The following SNX10 variants were observed in gnomAD, a reference collection of about 807,000 sequenced individuals.
SNX10 encodes sorting nexin 10, also known as sorting nexin-10.
Under a neutral mutation model 28.5 loss-of-function variants are expected in SNX10, and 25 were observed. The ratio of observed to expected loss-of-function variants is 0.88; its 90% confidence interval spans 0.64 to 1.22. The LOEUF is 1.22. Ranked by LOEUF, SNX10 falls within the 50% of genes most tolerant of loss-of-function variation. The pLI is 0.00. For missense variants in SNX10, 223 were observed against 242.6 expected (o/e 0.92, Z 0.54); for synonymous variants, 62 against 81.4 (o/e 0.76, Z 1.28).
chr7:26,371,973 G>A lies in SNX10; in HGVS notation c.464G>A (p.Arg155His), dbSNP rs765356172. Residue 155 changes from arginine to histidine, a missense_variant, in exon 6 of 7, where the codon CGT becomes CAT. Transcript: ENST00000338523. Reference sequence around the variant, plus strand: ...CACAAGTTTGCCTTAATGAATAGACGTTTCCCTGAAGAAGATGAAGAAGGA... The same window carrying A: ...CACAAGTTTGCCTTAATGAATAGACATTTCCCTGAAGAAGATGAAGAAGGA... ...AIHKFALMNR[R>H]FPEEDEEGKK... 1.2e-5 allele frequency: 20 copies of A among 1,612,940 alleles called. No individual in the cohort carries two copies. The highest frequency in any genetic ancestry group is 2.2e-5 in the South Asian group (2 of 91,070).
intron 1 of SNX10, among the ~76,000 whole-genome samples, chr7:26,335,572 G>GA (rs371768384): frequency 0.17 from 25,861 of 151,940 alleles, 2,526 homozygotes; most frequent in South Asian, 0.41. Context: ...CCTAGGAGCA[G>GA]GACCTTGGTA....
At chr7:26,310,564 AC>A (rs1786786683) in intron 1 of SNX10, among the ~76,000 whole-genome samples, 1 of 152,048 alleles carries the variant, frequency 6.6e-6, no homozygotes, top group South Asian at 2.1e-4. Context: ...TGGCCTTTAA[AC>A]CAAGATCTGA....
chr7:26,356,173 G>A (rs1218709334), intron 2 of SNX10, among the ~76,000 whole-genome samples: 1 of 152,150 alleles, frequency 6.6e-6, no homozygotes, highest in African/African-American at 2.4e-5. Flanking sequence ...GATAACACAG[G>A]AATTAGATCT....
intron 5 of SNX10, among the ~76,000 whole-genome samples, 175 bp from the exon 6 acceptor site, chr7:26,371,646 G>A (rs543772753): frequency 1.3e-5 from 2 of 152,152 alleles, no homozygotes; most frequent in African/African-American, 2.4e-5. Context: ...CCAAATAATT[G>A]AATAAAAGTT....
chr7:26,322,963 G>A (rs1386161786), intron 1 of SNX10, among the ~76,000 whole-genome samples: 1 of 152,130 alleles, frequency 6.6e-6, no homozygotes, highest in Non-Finnish European at 1.5e-5. Context: ...AGATAAAATA[G>A]TGGACCGGGT....
At chr7:26,341,774 C>A (rs1788185453) in intron 1 of SNX10, among the ~76,000 whole-genome samples, 1 of 151,846 alleles carries the variant, frequency 6.6e-6, no homozygotes, top group Non-Finnish European at 1.5e-5. Context: ...CATGAGCCAC[C>A]ACACCCAGCC....
chr7:26,312,832 T>C (rs1411689849), intron 1 of SNX10, among the ~76,000 whole-genome samples: 1 of 152,126 alleles, frequency 6.6e-6, no homozygotes, highest in Non-Finnish European at 1.5e-5. Context: ...TGCTTGCTCT[T>C]ATGCATAATT....
At chr7:26,346,370 C>A in intron 1 of SNX10, 50 bp from the exon 2 acceptor site, 1 of 1,166,014 alleles carries the variant, frequency 8.6e-7, no homozygotes, top group Non-Finnish European at 1.3e-6. Flanking sequence ...GGTGTATCCA[C>A]TCCAGTTTGG....
At chr7:26,338,952 T>C (rs1260089228) in intron 1 of SNX10, among the ~76,000 whole-genome samples, 1 of 152,184 alleles carries the variant, frequency 6.6e-6, no homozygotes, top group Admixed American at 6.5e-5. Context: ...GCAATAACGA[T>C]GTTATCCCCA....
At chr7:26,312,896 G>A (rs566874031) in intron 1 of SNX10, among the ~76,000 whole-genome samples, 1 of 152,178 alleles carries the variant, frequency 6.6e-6, no homozygotes, top group African/African-American at 2.4e-5. Context: ...TGCCTATCTA[G>A]GATTGACAAA....
At chr7:26,321,986 A>T (rs1257033762) in intron 1 of SNX10, among the ~76,000 whole-genome samples, 2 of 151,538 alleles carry the variant, frequency 1.3e-5, no homozygotes, top group Admixed American at 6.6e-5. Context: ...TGCTCATGCC[A>T]CTCTCCCATG....
At chr7:26,350,030 G>A (rs1446006125) in intron 2 of SNX10, among the ~76,000 whole-genome samples, 1 of 152,194 alleles carries the variant, frequency 6.6e-6, no homozygotes, top group Admixed American at 6.5e-5. Context: ...CCTGTGTGAT[G>A]TGACCTGAAG....
Position 26,364,895 on chromosome 7 carries a change from TTATTA to T in SNX10, c.213-148_213-144del. On this transcript the variant is annotated intron_variant, in intron 4 of 6. Coordinates refer to ENST00000338523, the MANE Select transcript of SNX10 (RefSeq NM_013322.3). The surrounding 1 kb of genome is among the most constrained non-coding windows in gnomAD (Gnocchi z 4.9). ...TCTTTAAGCTGACTTCCTGATACCC[TTATTA>T]TATAACTATATAATGTATAATCATA... 1.7e-6 allele frequency: 1 copy of T among 594,058 alleles called. No individual in the cohort carries two copies. The highest frequency in any genetic ancestry group is 2.3e-5 in the South Asian group (1 of 43,142). 36.8% of individuals were successfully genotyped at this position (594,058 alleles called of 1,614,324 possible).
rs550983053 is a variant in SNX10, at chr7:26,364,975, CTTTGAGGGA to C, written c.213-68_213-60del. 1.5e-3 allele frequency: 1,347 copies of C among 918,494 alleles called. 1 individual carries two copies. The highest frequency in any genetic ancestry group is 2.3e-3 in the Non-Finnish European group (1,279 of 560,158). 56.9% of individuals were successfully genotyped at this position (918,494 alleles called of 1,614,324 possible). On this transcript the variant is annotated intron_variant, in intron 4 of 6. Coordinates refer to ENST00000338523, the MANE Select transcript of SNX10 (RefSeq NM_013322.3). This position sits in a 1 kb window ranked among gnomAD's most constrained non-coding sequence, Gnocchi z 4.9. ...AATCATCATACATAATTTGCCTTCA[CTTTGAGGGA>C]TTTCTGTAACAGAAGCACCTTGAGT... is the stretch of plus-strand genomic sequence containing the variant.
At chr7:26,329,385 T>A (rs1210540811) in intron 1 of SNX10, among the ~76,000 whole-genome samples, 1 of 152,242 alleles carries the variant, frequency 6.6e-6, no homozygotes, top group Non-Finnish European at 1.5e-5. Context: ...TGTCACCTCC[T>A]CTGAGAAGCC....
intron 2 of SNX10, chr7:26,353,926 T>A (rs189964801): frequency 4.6e-5 from 7 of 152,344 alleles, no homozygotes; most frequent in Admixed American, 3.9e-4. Context: ...CTGAGACAAG[T>A]TTACATTTTT....
rs148311591 is a variant in SNX10, at chr7:26,372,677, G to A, written c.*105G>A. On this transcript the variant is annotated 3_prime_UTR_variant, in exon 7 of 7. Coordinates refer to ENST00000338523, the MANE Select transcript of SNX10 (RefSeq NM_013322.3). ...CTTACCTAAAGCTCACTGTCATGAT[G>A]TTAGGTATTTAAATTCTTAAAGATG... The A allele has an allele frequency of 4.1e-4, 291 of 703,510 alleles. No homozygotes were observed. The East Asian group carries it at 5.8e-3, about 14-fold the overall frequency. The allele number at this position is 703,510 out of a possible 1,614,324, so 43.6% of individuals were successfully genotyped here.
chr7:26,308,104 C>T (rs1786667513), intron 1 of SNX10, among the ~76,000 whole-genome samples: 1 of 152,138 alleles, frequency 6.6e-6, no homozygotes, highest in African/African-American at 2.4e-5. Flanking sequence ...TTGGTTTTGT[C>T]CACAGTTCCT....
rs201767770 is a variant in SNX10 at position 26,361,108 on chromosome 7, G to C, written c.111+47G>C. ...ATAGTAATTTTGAGGGACTTTTATGGGATACATTTTATGGGATAAAGTTGA... is the reference window on the plus strand; with the variant it reads ...ATAGTAATTTTGAGGGACTTTTATGCGATACATTTTATGGGATAAAGTTGA... On this transcript the variant is annotated intron_variant, in intron 3 of 6. Coordinates refer to ENST00000338523, the MANE Select transcript of SNX10 (RefSeq NM_013322.3). 251 of 1,528,800 alleles carry C rather than the reference G, an allele frequency of 1.6e-4. No homozygotes were observed. The African/African-American group carries it at 2.4e-3, about 14-fold the overall frequency. 94.7% of individuals were successfully genotyped at this position (1,528,800 alleles called of 1,614,324 possible). A position where few individuals can be genotyped will look rare whatever the true frequency, so the allele number is the denominator to read the frequency against.
Sources: allele counts gnomAD v4.1 joint callset (sites outside exome capture counted in the v4.1 genomes callset), GRCh38; gene constraint gnomAD v4.1.1; non-coding constraint Gnocchi (gnomAD v3.1); transcripts MANE v1.5; gene names NCBI Gene and HGNC (gene_info 2026-07-23, HGNC 2026-07-21).